PLCB1: variants seen among roughly 807,000 people sequenced by gnomAD.
PLCB1 encodes the protein phospholipase C beta 1, also known as 1-phosphatidylinositol 4,5-bisphosphate phosphodiesterase beta-1.
A neutral mutation model predicts 161.8 loss-of-function variants in PLCB1; 46 were observed. That is an observed-to-expected ratio of 0.28 (90% CI 0.22 to 0.36). PLCB1 has a LOEUF of 0.36. Among genes scored for constraint, PLCB1 ranks in the 10% least tolerant of loss-of-function variants. The pLI, the probability that PLCB1 is intolerant of heterozygous loss-of-function variation, is 1.00. For synonymous variants in PLCB1, 517 were observed against 503.7 expected, an observed-to-expected ratio of 1.03 and a Z score of -0.35; for missense variants, 1,016 against 1,472.5, an observed-to-expected ratio of 0.69 and a Z score of 5.07.
intron 31 of PLCB1, among the ~76,000 whole-genome samples, chr20:8,791,027 C>T (rs1366689828): frequency 6.6e-6 from 1 of 152,080 alleles, no homozygotes; most frequent in African/African-American, 2.4e-5. Context: ...AAGCATTTCT[C>T]GAGTCCTAAA....
chr20:8,516,379 C>T (rs562297731), intron 3 of PLCB1, among the ~76,000 whole-genome samples: 36 of 152,122 alleles, frequency 2.4e-4, no homozygotes, highest in African/African-American at 7.5e-4. Context: ...GTTAATTTTG[C>T]CCACAATGAG....
At chr20:8,465,160 T>C (rs531320475) in intron 3 of PLCB1, among the ~76,000 whole-genome samples, 1 of 152,092 alleles carries the variant, frequency 6.6e-6, no homozygotes, top group African/African-American at 2.4e-5. Flanking sequence ...ATATTATATA[T>C]TTTCATGGAA....
chr20:8,430,436 A>G (rs2122575796), intron 3 of PLCB1, among the ~76,000 whole-genome samples: 1 of 149,962 alleles, frequency 6.7e-6, no homozygotes, highest in African/African-American at 2.4e-5. Context: ...GGCTAAGCTG[A>G]TGCATCAGGA....
intron 31 of PLCB1, among the ~76,000 whole-genome samples, chr20:8,829,470 C>T (rs1270954717): frequency 6.6e-6 from 1 of 152,170 alleles, no homozygotes; most frequent in Non-Finnish European, 1.5e-5. Flanking sequence ...ATTTCTGAGC[C>T]CGATCTTTAC....
At chr20:8,356,904 C>T (rs1258237785) in intron 2 of PLCB1, among the ~76,000 whole-genome samples, 1 of 152,108 alleles carries the variant, frequency 6.6e-6, no homozygotes, top group Non-Finnish European at 1.5e-5. Flanking sequence ...AGGAAAAGCA[C>T]TAAATATGAG....
At chr20:8,430,416 G>A (rs991299507) in intron 3 of PLCB1, among the ~76,000 whole-genome samples, 1 of 149,842 alleles carries the variant, frequency 6.7e-6, no homozygotes, top group African/African-American at 2.4e-5. Flanking sequence ...AAGCATGGTT[G>A]GAAATAGCAG....
chr20:8,627,811 G>C (rs1160646958), intron 3 of PLCB1, among the ~76,000 whole-genome samples: 1 of 152,208 alleles, frequency 6.6e-6, no homozygotes, highest in Non-Finnish European at 1.5e-5. Flanking sequence ...CGCTAATTCT[G>C]TGTCTCTTTG....
chr20:8,416,061 A>C (rs1055741555), intron 3 of PLCB1, among the ~76,000 whole-genome samples: 16 of 152,184 alleles, frequency 1.1e-4, no homozygotes, highest in Admixed American at 2.0e-4. Flanking sequence ...TCTCTCCCCT[A>C]GGGAACACTA....
intron 2 of PLCB1, among the ~76,000 whole-genome samples, chr20:8,287,274 T>C (rs1350589875): frequency 6.6e-6 from 1 of 151,674 alleles, no homozygotes; most frequent in Non-Finnish European, 1.5e-5. Context: ...TATGATGTTG[T>C]AGTAGCCTGT....
chr20:8,565,606 G>A (rs934850918), intron 3 of PLCB1, among the ~76,000 whole-genome samples: 9 of 151,966 alleles, frequency 5.9e-5, no homozygotes, highest in African/African-American at 1.9e-4. Context: ...AGAAATATAT[G>A]GTATATCTGT....
At chr20:8,574,854 A>C (rs992399804) in intron 3 of PLCB1, among the ~76,000 whole-genome samples, 7 of 146,616 alleles carry the variant, frequency 4.8e-5, no homozygotes, top group Admixed American at 1.3e-4. Context: ...CTGGCCATGG[A>C]AAAATCACTT....
At chr20:8,824,380 G>T (rs1425777332) in intron 31 of PLCB1, among the ~76,000 whole-genome samples, 1 of 149,818 alleles carries the variant, frequency 6.7e-6, no homozygotes, top group African/African-American at 2.4e-5. Flanking sequence ...TAAAGGACAG[G>T]TTTAAAATGC....
chr20:8,726,890 A>G (rs1184084475), intron 16 of PLCB1, among the ~76,000 whole-genome samples: 1 of 152,136 alleles, frequency 6.6e-6, no homozygotes, highest in African/African-American at 2.4e-5. Flanking sequence ...TATGAAAGAG[A>G]TAGTCAGCAC....
At chr20:8,851,241 A>G (rs1986874530) in intron 31 of PLCB1, among the ~76,000 whole-genome samples, 1 of 152,082 alleles carries the variant, frequency 6.6e-6, no homozygotes, top group Admixed American at 6.5e-5. Context: ...TTGTTACCTT[A>G]TACTCACATA....
chr20:8,390,848 G>A (rs973764197), intron 3 of PLCB1, among the ~76,000 whole-genome samples: 3 of 151,876 alleles, frequency 2.0e-5, no homozygotes, highest in African/African-American at 7.3e-5. Context: ...ATAACAAGCT[G>A]TATAATCCTG....
At chr20:8,651,662 C>T (rs1989326196) in intron 7 of PLCB1, 1 of 559,040 alleles carries the variant, frequency 1.8e-6, no homozygotes, top group Admixed American at 3.0e-5. Flanking sequence ...AAATGAAACT[C>T]AAGGTTTCAA....
At chr20:8,297,382 A>G (rs1025350719) in intron 2 of PLCB1, among the ~76,000 whole-genome samples, 3 of 152,154 alleles carry the variant, frequency 2.0e-5, no homozygotes, top group Admixed American at 2.0e-4. Flanking sequence ...CACTCAAAAA[A>G]GTTGATTAGC....
chr20:8,634,474 A>G (rs1196766420), intron 4 of PLCB1, among the ~76,000 whole-genome samples: 4 of 152,126 alleles, frequency 2.6e-5, no homozygotes, highest in Admixed American at 1.3e-4. Context: ...ATAACACACC[A>G]GCTCTCTGAA....
chr20:8,563,401 C>A lies in PLCB1; in HGVS notation c.247-64893C>A, dbSNP rs555856263. ...GATTCAAGACCCCATCATCTCTCTC[C>A]TCCCACTTCTCAACCTCCTCTTGGT... On this transcript the variant is annotated intron_variant, in intron 3 of 31. Coordinates refer to ENST00000338037, the MANE Select transcript of PLCB1 (RefSeq NM_015192.4). 9.9e-5 allele frequency among the ~76,000 whole-genome samples: 15 copies of A among 152,146 alleles called. No individual in the cohort carries two copies. The South Asian group carries it at 3.1e-3, about 32-fold the overall frequency.
Sources: allele counts gnomAD v4.1 joint callset (sites outside exome capture counted in the v4.1 genomes callset), GRCh38; gene constraint gnomAD v4.1.1; transcripts MANE v1.5; gene names NCBI Gene and HGNC (gene_info 2026-07-23, HGNC 2026-07-21).